MCC: variants seen among roughly 807,000 people sequenced by gnomAD.
MCC encodes the protein colorectal mutant cancer protein.
A neutral mutation model predicts 116.2 loss-of-function variants in MCC; 90 were observed. That is an observed-to-expected ratio of 0.77 (90% confidence interval 0.65 to 0.92). MCC has a LOEUF of 0.92. Among genes scored for constraint, MCC ranks in the 40% least tolerant of loss-of-function variants. The probability of loss-of-function intolerance (pLI) is 0.00; values close to 1 mark genes in which losing one functional copy is unlikely to be tolerated. For missense variants in MCC, 1,516 were observed against 1,312.2 expected (o/e 1.16, Z -2.40); for synonymous variants, 578 against 510.5 (o/e 1.13, Z -1.78).
In MCC at chr5:113,350,936, G is replaced by C. The variant is rs1455979121; in HGVS notation, c.416-10206C>G. 2.0e-5 allele frequency among the ~76,000 whole-genome samples: 3 copies of C among 152,168 alleles called. 1 individual carries two copies. The South Asian group carries it at 6.2e-4, about 32-fold the overall frequency. On this transcript the variant is annotated intron_variant, in intron 2 of 18. Coordinates refer to ENST00000408903, the MANE Select transcript of MCC (RefSeq NM_001085377.2). ...ATAGCTAACAGGCCTATGAAAAGGT[G>C]CTCAACATCATTGATTATCAGAGCA...
intron 3 of MCC, among the ~76,000 whole-genome samples, chr5:113,332,586 A>G (rs1384631311): frequency 6.7e-6 from 1 of 149,984 alleles, no homozygotes; most frequent in Non-Finnish European, 1.5e-5. Flanking sequence ...AAAAAAAAGG[A>G]ATAGAAGAAA....
chr5:113,259,795 C>T (rs1765155496), intron 3 of MCC, among the ~76,000 whole-genome samples: 1 of 152,052 alleles, frequency 6.6e-6, no homozygotes, highest in Non-Finnish European at 1.5e-5. Flanking sequence ...ATTTATCACA[C>T]ACACAAAAAA....
chr5:113,095,238 G>A (rs1468204505), intron 8 of MCC, among the ~76,000 whole-genome samples: 1 of 152,116 alleles, frequency 6.6e-6, no homozygotes, highest in Non-Finnish European at 1.5e-5. Context: ...TGGACAGAAG[G>A]CTACAGGAAA....
chr5:113,401,873 A>C (rs541619354), intron 1 of MCC, among the ~76,000 whole-genome samples: 158 of 151,962 alleles, frequency 1.0e-3, no homozygotes, highest in Non-Finnish European at 1.7e-3. Flanking sequence ...TTTTTGAGAC[A>C]GGGTCTTCCT....
chr5:113,436,899 C>T (rs1052513418), intron 1 of MCC: 2 of 152,200 alleles, frequency 1.3e-5, no homozygotes, highest in Non-Finnish European at 2.9e-5. Context: ...CCGCCTCCCA[C>T]TTTCAAGTTG....
At chr5:113,224,863 T>C (rs1763677034) in intron 3 of MCC, among the ~76,000 whole-genome samples, 2 of 152,188 alleles carry the variant, frequency 1.3e-5, no homozygotes, top group African/African-American at 4.8e-5. Flanking sequence ...AGGAAAAGAT[T>C]TGCCACATCA....
At chr5:113,321,719 C>T (rs1767426988) in intron 3 of MCC, among the ~76,000 whole-genome samples, 1 of 152,182 alleles carries the variant, frequency 6.6e-6, no homozygotes, top group South Asian at 2.1e-4. Flanking sequence ...GGTTAAGCAC[C>T]AAAGAGCAAT....
intron 14 of MCC, among the ~76,000 whole-genome samples, chr5:113,055,258 T>C (rs539799548): frequency 9.9e-5 from 15 of 152,170 alleles, no homozygotes; most frequent in African/African-American, 3.6e-4. Flanking sequence ...AGCTAGAAGC[T>C]ATACCAGGGG....
intron 1 of MCC, among the ~76,000 whole-genome samples, chr5:113,443,550 G>C (rs1771112059): frequency 6.6e-6 from 1 of 152,158 alleles, no homozygotes; most frequent in Admixed American, 6.5e-5. Context: ...GGAGTGGTGA[G>C]AGAGGGCATC....
intron 3 of MCC, among the ~76,000 whole-genome samples, chr5:113,186,279 A>C (rs1450009985): frequency 6.6e-6 from 1 of 151,734 alleles, no homozygotes; most frequent in East Asian, 1.9e-4. Context: ...AGGAACTTGA[A>C]AACACAGTAA....
intron 2 of MCC, among the ~76,000 whole-genome samples, chr5:113,372,242 C>T (rs188944906): frequency 6.6e-6 from 1 of 152,210 alleles, no homozygotes; most frequent in African/African-American, 2.4e-5. Flanking sequence ...GTGATTAATG[C>T]CATTAAGAAG....
chr5:113,138,115 C>G (rs1429864626), intron 5 of MCC, among the ~76,000 whole-genome samples: 1 of 151,860 alleles, frequency 6.6e-6, no homozygotes, highest in Non-Finnish European at 1.5e-5. Context: ...CTCCTGGGTT[C>G]AAGTGATTCT....
chr5:113,213,123 C>T (rs1156900911), intron 3 of MCC, among the ~76,000 whole-genome samples: 3 of 152,136 alleles, frequency 2.0e-5, no homozygotes, highest in African/African-American at 4.8e-5. Flanking sequence ...TGCTGTCACA[C>T]GCAATGCCAT....
intron 3 of MCC, among the ~76,000 whole-genome samples, chr5:113,237,909 A>G (rs1764191653): frequency 6.6e-6 from 1 of 152,238 alleles, no homozygotes; most frequent in Admixed American, 6.5e-5. Context: ...TTCCAGTGAC[A>G]GCAGAAAAAT....
At chr5:113,149,896 A>T (rs1478007412) in intron 4 of MCC, among the ~76,000 whole-genome samples, 2 of 152,170 alleles carry the variant, frequency 1.3e-5, no homozygotes, top group Non-Finnish European at 2.9e-5. Context: ...TGAGAACTGG[A>T]AAACCCCTAA....
At position 113,434,876 on chromosome 5, in the gene MCC, C is replaced by G; in HGVS notation, c.171-49664G>C. The G allele has an allele frequency of 1.3e-6, 2 of 1,579,702 alleles. No homozygotes were observed. The highest frequency in any genetic ancestry group is 1.7e-6 in the Non-Finnish European group (2 of 1,161,368). The stretch of plus-strand genomic sequence containing the variant: ...TGCCCAGTGCCTCTGAGGCTGCCCT[C>G]TACAGCCCCGAGGCGCATGGGCCAG... On this transcript the variant is annotated intron_variant, in intron 1 of 18. Transcript: ENST00000408903. The surrounding 1 kb of genome is among the most constrained non-coding windows in gnomAD (Gnocchi z 4.2).
At chr5:113,256,216 G>A (rs891226529) in intron 3 of MCC, among the ~76,000 whole-genome samples, 2 of 152,172 alleles carry the variant, frequency 1.3e-5, no homozygotes, top group Admixed American at 1.3e-4. Flanking sequence ...TTCTATCCAA[G>A]AGGAGAGGTA....
At chr5:113,262,725 G>C (rs955220273) in intron 3 of MCC, among the ~76,000 whole-genome samples, 3 of 152,102 alleles carry the variant, frequency 2.0e-5, no homozygotes, top group African/African-American at 7.2e-5. Flanking sequence ...ACTTTGTTGA[G>C]CATCAGAGTC....
chr5:113,114,581 G>A (rs556147992), intron 6 of MCC, among the ~76,000 whole-genome samples: 89 of 151,952 alleles, frequency 5.9e-4, no homozygotes, highest in African/African-American at 1.5e-3. Flanking sequence ...GGCCTACCCC[G>A]CCCCCCATCC....
Sources: gnomAD v4.1 joint callset for allele counts (sites outside exome capture counted in the v4.1 genomes callset) on GRCh38, gnomAD v4.1.1 for gene constraint, Gnocchi (gnomAD v3.1) non-coding constraint, MANE v1.5 for transcripts, NCBI Gene and HGNC (gene_info 2026-07-23, HGNC 2026-07-21) for gene names.